PAPPA: variants seen among roughly 807,000 people sequenced by gnomAD.
PAPPA encodes the protein pappalysin-1.
PAPPA carries 60 observed loss-of-function variants against 164.0 expected under a neutral mutation model. The ratio of observed to expected loss-of-function variants is 0.37; its 90% CI spans 0.30 to 0.45. The LOEUF is 0.45. Among genes scored for constraint, PAPPA ranks in the 20% least tolerant of loss-of-function variants. The pLI is 1.00. For synonymous variants in PAPPA, 875 were observed against 814.1 expected, an observed-to-expected ratio of 1.07 and a Z score of -1.27; for missense variants, 1,782 against 2,087.3, an observed-to-expected ratio of 0.85 and a Z score of 2.85.
At chr9:116,308,454 C>T (rs1311419150) in intron 10 of PAPPA, among the ~76,000 whole-genome samples, 2 of 152,190 alleles carry the variant, frequency 1.3e-5, no homozygotes, top group South Asian at 2.1e-4. Flanking sequence ...AAAGCTACTA[C>T]AAAAATAGGA....
At chr9:116,361,462 T>C (rs1028455321) in intron 17 of PAPPA, among the ~76,000 whole-genome samples, 17 of 152,232 alleles carry the variant, frequency 1.1e-4, no homozygotes, top group Non-Finnish European at 1.9e-4. Context: ...CCTTGAGTCA[T>C]AGAATTAGAA....
At chr9:116,327,149 G>A (rs1845930756) in intron 10 of PAPPA, among the ~76,000 whole-genome samples, 2 of 152,106 alleles carry the variant, frequency 1.3e-5, no homozygotes, top group African/African-American at 2.4e-5. Flanking sequence ...TGTGTTTCTA[G>A]AGCACTCTTG....
chr9:116,306,613 G>GA (rs1845649984), intron 10 of PAPPA, among the ~76,000 whole-genome samples: 1 of 152,090 alleles, frequency 6.6e-6, no homozygotes, highest in African/African-American at 2.4e-5. Context: ...TCCTGAGACA[G>GA]AAAAAAATGG....
chr9:116,197,974 A>G (rs1054963115), intron 2 of PAPPA, among the ~76,000 whole-genome samples: 1 of 152,236 alleles, frequency 6.6e-6, no homozygotes, highest in Non-Finnish European at 1.5e-5. Context: ...AGTCTTCTGA[A>G]ATAACCCTTG....
intron 18 of PAPPA, among the ~76,000 whole-genome samples, chr9:116,364,328 A>G (rs1256603889): frequency 6.6e-6 from 1 of 152,240 alleles, no homozygotes; most frequent in Non-Finnish European, 1.5e-5. Context: ...GAAAACCTAC[A>G]GAAACAAATT....
At chr9:116,308,196 A>G (rs1845670769) in intron 10 of PAPPA, among the ~76,000 whole-genome samples, 1 of 152,200 alleles carries the variant, frequency 6.6e-6, no homozygotes, top group African/African-American at 2.4e-5. Flanking sequence ...AAAGCTTACC[A>G]TGTCATCAGA....
At chr9:116,291,774 T>G (rs1256375437) in intron 9 of PAPPA, among the ~76,000 whole-genome samples, 1 of 151,990 alleles carries the variant, frequency 6.6e-6, no homozygotes, top group Non-Finnish European at 1.5e-5. Flanking sequence ...ATTAAACTTG[T>G]GTTGGTTGTA....
chr9:116,174,203 A>G (rs1489539641), intron 1 of PAPPA, among the ~76,000 whole-genome samples: 1 of 152,172 alleles, frequency 6.6e-6, no homozygotes, highest in Non-Finnish European at 1.5e-5. Flanking sequence ...ATCAGCTGTC[A>G]TTGCCCTCCC....
intron 12 of PAPPA, chr9:116,332,754 GGA>G (rs1846010826): frequency 3.6e-6 from 1 of 275,196 alleles, no homozygotes; most frequent in African/African-American, 2.1e-5. Context: ...ACCCCAAGAA[GGA>G]GAGAGACTGA....
intron 10 of PAPPA, among the ~76,000 whole-genome samples, chr9:116,326,713 T>G (rs1012250890): frequency 1.3e-5 from 2 of 152,236 alleles, no homozygotes; most frequent in African/African-American, 2.4e-5. Flanking sequence ...TGAAACCTTA[T>G]GCCTATTGAT....
In PAPPA at chr9:116,292,934, C is replaced by T. The variant is rs555674763; in HGVS notation, c.2954-9823C>T. On this transcript the variant is annotated intron_variant, in intron 9 of 21. Transcript: ENST00000328252. ...CCAGACAACTAGGATGACATGATGT[C>T]ATGGAAGTCAAGAGAGGGAGGACTG... 3.3e-5 allele frequency among the ~76,000 whole-genome samples: 5 copies of T among 152,236 alleles called. No individual in the cohort carries two copies. The East Asian group carries it at 9.7e-4, about 30-fold the overall frequency.
intron 7 of PAPPA, among the ~76,000 whole-genome samples, chr9:116,262,778 G>A (rs1243082763): frequency 6.6e-6 from 1 of 152,144 alleles, no homozygotes; most frequent in Non-Finnish European, 1.5e-5. Flanking sequence ...GATGGTTTTA[G>A]GAGCAGCTGA....
intron 1 of PAPPA, among the ~76,000 whole-genome samples, chr9:116,186,693 C>T (rs1843974774): frequency 6.6e-6 from 1 of 152,188 alleles, no homozygotes; most frequent in South Asian, 2.1e-4. Flanking sequence ...TCATCTCCCT[C>T]TGTTTCTCCT....
At chr9:116,198,390 A>T (rs756507796) in intron 2 of PAPPA, among the ~76,000 whole-genome samples, 5 of 152,178 alleles carry the variant, frequency 3.3e-5, no homozygotes, top group African/African-American at 4.8e-5. Context: ...CCAAGAGAAG[A>T]TCTTAGGGAA....
intron 21 of PAPPA, among the ~76,000 whole-genome samples, chr9:116,383,364 T>C (rs1846758202): frequency 1.3e-5 from 2 of 152,188 alleles, no homozygotes; most frequent in South Asian, 2.1e-4. Flanking sequence ...ATCTGTGTCA[T>C]TTTAAAGAAG....
In PAPPA at chr9:116,400,389, T is replaced by C. The variant is rs1370615703; in HGVS notation, c.*3773T>C. ...GGAAATATGACATTTTCCCCCTTGA[T>C]GTGTTATTGTTGTTGTTGGGTGGGG... On this transcript the variant is annotated 3_prime_UTR_variant, in exon 22 of 22. Transcript: ENST00000328252. 6.6e-6 allele frequency: 1 copy of C among 152,124 alleles called. No individual in the cohort carries two copies. Among genetic ancestry groups the C allele is most frequent in the Non-Finnish European group, 1.5e-5 (1 of 68,018 alleles). The allele number at this position is 152,124 out of a possible 1,614,324, so 9.4% of individuals were successfully genotyped here. A position where few individuals can be genotyped will look rare whatever the true frequency, so the allele number is the denominator to read the frequency against.
At chr9:116,156,481 G>A (rs1314510724) in intron 1 of PAPPA, among the ~76,000 whole-genome samples, 2 of 151,690 alleles carry the variant, frequency 1.3e-5, no homozygotes, top group African/African-American at 4.8e-5. Context: ...GATTGTTGCA[G>A]TAAAATACTT....
At chr9:116,337,858 C>G (rs1035874315) in intron 13 of PAPPA, among the ~76,000 whole-genome samples, 1 of 152,132 alleles carries the variant, frequency 6.6e-6, no homozygotes, top group African/African-American at 2.4e-5. Context: ...TCTCCAGTCT[C>G]TTTGCAGTAC....
In PAPPA at chr9:116,295,566, A is replaced by AAAAAG. The variant is rs1554749298; in HGVS notation, c.2954-7176_2954-7172dup. 7.1e-4 allele frequency among the ~76,000 whole-genome samples: 106 copies of AAAAAG among 150,232 alleles called. 1 individual carries two copies. Among genetic ancestry groups the AAAAAG allele is most frequent in the African/African-American group, 2.6e-3 (104 of 40,014 alleles). Reference sequence around the variant, plus strand: ...GAGACTCGGTCTCAAAAAAAAAAAAAAAAAGAAAAGAAAAGAAAAATTTCA... The same window carrying AAAAAG: ...GAGACTCGGTCTCAAAAAAAAAAAAAAAAAGAAAAGAAAAGAAAAGAAAAATTTCA... On this transcript the variant is annotated intron_variant, in intron 9 of 21. Transcript: ENST00000328252.
Sources: allele counts gnomAD v4.1 joint callset (sites outside exome capture counted in the v4.1 genomes callset), GRCh38; gene constraint gnomAD v4.1.1; transcripts MANE v1.5; gene names NCBI Gene and HGNC (gene_info 2026-07-23, HGNC 2026-07-21).